The following RASSF3 variants were observed in gnomAD, a reference collection of about 807,000 sequenced individuals.
RASSF3 encodes Ras association domain family member 3.
Under a neutral mutation model 19.9 loss-of-function variants are expected in RASSF3, and 19 were observed. The ratio of observed to expected loss-of-function variants is 0.96; its 90% CI spans 0.67 to 1.40. The LOEUF (loss-of-function observed/expected upper bound fraction) is 1.40, where lower values mean the gene tolerates loss of function less well. Ranked by LOEUF, RASSF3 falls within the 40% of genes most tolerant of loss-of-function variation. The probability of loss-of-function intolerance (pLI) is 0.00; values close to 1 mark genes in which losing one functional copy is unlikely to be tolerated. For missense variants in RASSF3, 306 were observed against 289.8 expected (o/e 1.06, Z -0.41); for synonymous variants, 110 against 104.2 (o/e 1.06, Z -0.34).
At chr12:64,545,545 C>T (rs1162289707), downstream of RASSF3, among the ~76,000 whole-genome samples, 7 of 152,108 alleles carry the variant, frequency 4.6e-5, no homozygotes, top group Non-Finnish European at 8.8e-5. Flanking sequence ...ATTTGATAGA[C>T]GGGTTTATAA....
At chr12:64,661,685 T>C (rs1383307656) in intron 1 of RASSF3, among the ~76,000 whole-genome samples, 34 of 141,766 alleles carry the variant, frequency 2.4e-4, no homozygotes, top group Non-Finnish European at 3.1e-4. Context: ...TTCTTTTTTT[T>C]TTTTTTTTTT....
intron 1 of RASSF3, among the ~76,000 whole-genome samples, chr12:64,646,281 A>ATG (rs1390446945): frequency 6.6e-6 from 1 of 152,142 alleles, no homozygotes; most frequent in Non-Finnish European, 1.5e-5. Flanking sequence ...GCTTTAGTAG[A>ATG]TATTACCAGT....
intron 1 of RASSF3, among the ~76,000 whole-genome samples, chr12:64,670,740 C>G (rs796913701): frequency 1.3e-5 from 2 of 152,324 alleles, no homozygotes; most frequent in African/African-American, 4.8e-5. Context: ...GCCAGTTGTG[C>G]TAGTACCCCA....
chr12:64,684,128 C>T (rs1440908736), intron 1 of RASSF3, among the ~76,000 whole-genome samples: 1 of 149,226 alleles, frequency 6.7e-6, no homozygotes, highest in Non-Finnish European at 1.5e-5. Context: ...ACTCTGTCAC[C>T]CAGGCTAGAG....
intron 2 of RASSF3, among the ~76,000 whole-genome samples, chr12:64,561,043 C>T (rs768398820): frequency 2.0e-5 from 3 of 152,196 alleles, no homozygotes; most frequent in Non-Finnish European, 4.4e-5. Flanking sequence ...TAGTTGTGCC[C>T]TGCTTGCTCA....
At chr12:64,589,984 A>G (rs1869889416) in intron 2 of RASSF3, among the ~76,000 whole-genome samples, 1 of 149,364 alleles carries the variant, frequency 6.7e-6, no homozygotes, top group African/African-American at 2.5e-5. Context: ...CCTGGGTGAC[A>G]GAGCAAGACT....
rs202125884 is a variant in RASSF3, at chr12:64,618,639, TTTTG to T, written c.111+7900_111+7903del. Among the ~76,000 whole-genome samples, 611 of 152,204 alleles carry T rather than the reference TTTTG, an allele frequency of 4.0e-3. 8 individuals are homozygous for T. The highest frequency in any genetic ancestry group is 0.027 in the East Asian group (139 of 5,188). ...ACCACGCCCGGCCTTTTGTTTTTGT[TTTTG>T]TTTTTTTTAAATGGAGAGGGCCAGA... On this transcript the variant is annotated intron_variant, in intron 1 of 4. Coordinates refer to ENST00000542104, the MANE Select transcript of RASSF3 (RefSeq NM_178169.4).
At chr12:64,672,717 G>C (rs1018695631) in intron 1 of RASSF3, among the ~76,000 whole-genome samples, 1 of 152,032 alleles carries the variant, frequency 6.6e-6, no homozygotes, top group East Asian at 1.9e-4. Context: ...GGCTCTTGCT[G>C]TGTTGCCCAA....
chr12:64,655,311 G>C (rs996239736), intron 1 of RASSF3, among the ~76,000 whole-genome samples: 2 of 152,118 alleles, frequency 1.3e-5, no homozygotes, highest in African/African-American at 4.8e-5. Flanking sequence ...TACACATAAC[G>C]AAGTGTTGTG....
chr12:64,629,537 A>T (rs540610602), intron 1 of RASSF3, among the ~76,000 whole-genome samples: 18 of 152,324 alleles, frequency 1.2e-4, no homozygotes, highest in African/African-American at 4.1e-4. Flanking sequence ...AGATCCTAGT[A>T]GTCCTGAAAT....
intron 1 of RASSF3, among the ~76,000 whole-genome samples, chr12:64,540,908 C>T (rs1868923156): frequency 6.6e-6 from 1 of 152,030 alleles, no homozygotes; most frequent in South Asian, 2.1e-4. Flanking sequence ...GTAGCTGGGA[C>T]TACAGGTGTG....
chr12:64,570,879 AC>A (rs1217294951), intron 2 of RASSF3, among the ~76,000 whole-genome samples: 4 of 152,178 alleles, frequency 2.6e-5, no homozygotes, highest in African/African-American at 9.7e-5. Flanking sequence ...ACACTTCTTA[AC>A]CTTGGGGGAC....
intron 2 of RASSF3, among the ~76,000 whole-genome samples, chr12:64,590,720 T>A (rs114902148): frequency 0.015 from 2,211 of 152,294 alleles, 59 homozygotes; most frequent in African/African-American, 0.051. Flanking sequence ...AACTATCCAC[T>A]AGTACCTGAT....
intron 1 of RASSF3, among the ~76,000 whole-genome samples, chr12:64,668,256 T>TTTCTTCTTCTTCTTCTTCTTC (rs139462401): frequency 4.0e-5 from 6 of 148,910 alleles, no homozygotes; most frequent in Admixed American, 2.0e-4. Flanking sequence ...TACCAATCCT[T>TTTCTTCTTCTTCTTCTTCTTC]TTCTTCTTCT....
chr12:64,633,561 G>GT (rs1871234076), intron 1 of RASSF3, among the ~76,000 whole-genome samples: 1 of 152,130 alleles, frequency 6.6e-6, no homozygotes, highest in Non-Finnish European at 1.5e-5. Context: ...TTGGTGCCAT[G>GT]TTTCCTGTGC....
intron 3 of RASSF3, 59 bp downstream of exon 3, chr12:64,688,512 A>C: frequency 8.2e-7 from 1 of 1,221,534 alleles, no homozygotes; most frequent in Non-Finnish European, 1.2e-6. Flanking sequence ...TGCTGTTCTC[A>C]TTAGCAGAGG....
At chr12:64,580,011 C>T (rs1869664567) in intron 2 of RASSF3, among the ~76,000 whole-genome samples, 1 of 151,848 alleles carries the variant, frequency 6.6e-6, no homozygotes, top group Non-Finnish European at 1.5e-5. Context: ...GATGGGGTTT[C>T]ACCACGTTGG....
At chr12:64,537,674 C>T (rs1868856391) in intron 1 of RASSF3, among the ~76,000 whole-genome samples, 1 of 152,180 alleles carries the variant, frequency 6.6e-6, no homozygotes, top group Non-Finnish European at 1.5e-5. Context: ...ACCCAGAACT[C>T]AATCAGTGTC....
At chr12:64,693,184 T>C (rs1003276972) in intron 4 of RASSF3, among the ~76,000 whole-genome samples, 2 of 151,032 alleles carry the variant, frequency 1.3e-5, no homozygotes, top group Non-Finnish European at 2.9e-5. Context: ...GCCTAAACTG[T>C]TCTCCAGGAA....
Sources: allele counts gnomAD v4.1 joint callset (sites outside exome capture counted in the v4.1 genomes callset), GRCh38; gene constraint gnomAD v4.1.1; transcripts MANE v1.5; gene names NCBI Gene and HGNC (gene_info 2026-07-23, HGNC 2026-07-21).